The following GNB1 variants were observed in gnomAD, a reference collection of about 807,000 sequenced individuals.
The protein encoded by GNB1 is G protein subunit beta 1.
Under a neutral mutation model 42.9 loss-of-function variants are expected in GNB1, and 2 were observed. The observed-to-expected ratio is 0.05, with a 90% CI of 0.02 to 0.15. GNB1 has a LOEUF of 0.15. GNB1 is among the 10% of genes least tolerant of loss of function. The pLI is 1.00. For missense variants in GNB1, 193 were observed against 462.2 expected (o/e 0.42, Z 5.34); for synonymous variants, 183 against 174.7 (o/e 1.05, Z -0.38).
chr1:1,889,293 TAATACTATTTGAGAC>T (rs1650333436), intron 1 of GNB1, among the ~76,000 whole-genome samples: 1 of 152,272 alleles, frequency 6.6e-6, no homozygotes, highest in Non-Finnish European at 1.5e-5. Flanking sequence ...CTTAATCACC[TAATACTATTTGAGAC>T]TAATGTTATC....
intron 5 of GNB1, among the ~76,000 whole-genome samples, chr1:1,807,523 A>G (rs1557892316): frequency 6.7e-6 from 1 of 149,006 alleles, no homozygotes; most frequent in South Asian, 2.1e-4. Flanking sequence ...ACTTTTAGAC[A>G]TTCCAAATTC....
At chr1:1,829,832 G>C (rs750660785) in intron 2 of GNB1, among the ~76,000 whole-genome samples, 1 of 151,932 alleles carries the variant, frequency 6.6e-6, no homozygotes, top group Non-Finnish European at 1.5e-5. Context: ...TCCGCCTCCC[G>C]ATTTCAAGCG....
chr1:1,816,629 CTTTATT>C (rs1284747729), intron 4 of GNB1, among the ~76,000 whole-genome samples: 2 of 144,456 alleles, frequency 1.4e-5, no homozygotes, highest in African/African-American at 2.5e-5. Flanking sequence ...ATTATTTGGA[CTTTATT>C]TTTATTATCT....
intron 3 of GNB1, among the ~76,000 whole-genome samples, chr1:1,819,520 CTCTT>C (rs944679586): frequency 2.0e-5 from 3 of 151,554 alleles, no homozygotes; most frequent in African/African-American, 4.8e-5. Context: ...CCCGCCTGGC[CTCTT>C]TTTTTTTTTA....
intron 1 of GNB1, among the ~76,000 whole-genome samples, chr1:1,863,755 G>A (rs1648760763): frequency 6.6e-6 from 1 of 152,216 alleles, no homozygotes; most frequent in African/African-American, 2.4e-5. Context: ...GGAGATTTAA[G>A]TTGGAAAAAT....
chr1:1,806,255 C>T lies in GNB1; in HGVS notation c.267+220G>A, dbSNP rs143096846. On this transcript the variant is annotated intron_variant, in intron 6 of 11. Transcript: ENST00000378609. ...TCCCACCAGCTTGGTAAGGAGATGACGGACAACAGCACAACTGTGCCTGGT... is the reference window on the plus strand; with the variant it reads ...TCCCACCAGCTTGGTAAGGAGATGATGGACAACAGCACAACTGTGCCTGGT... Among the ~76,000 whole-genome samples the T allele has an allele frequency of 3.9e-3, 598 of 152,304 alleles. 2 individuals are homozygous for T. Among genetic ancestry groups the T allele is most frequent in the Non-Finnish European group, 6.7e-3 (459 of 68,018 alleles).
intron 7 of GNB1, among the ~76,000 whole-genome samples, chr1:1,796,583 G>A (rs1352936670): frequency 6.6e-6 from 1 of 152,222 alleles, no homozygotes; most frequent in Non-Finnish European, 1.5e-5. Context: ...CAAATTCCCT[G>A]GGTATGTGTG....
Position 1,825,389 on chromosome 1 carries a change from C to T in GNB1, c.57+8G>A, listed in dbSNP as rs773325681. The T allele has an allele frequency of 6.2e-7, 1 of 1,600,828 alleles. No homozygotes were observed. Among genetic ancestry groups the T allele is most frequent in the South Asian group, 1.1e-5 (1 of 90,834 alleles). ...GATTAATAAAACCAAGCACACACAA[C>T]TACATACTCGAATCTGGTTCTTAAG... On this transcript the variant is annotated splice_region_variant and intron_variant, in intron 3 of 11. Coordinates refer to ENST00000378609, the MANE Select transcript of GNB1 (RefSeq NM_002074.5).
chr1:1,837,373 GCCT>G (rs1647167108), intron 2 of GNB1, among the ~76,000 whole-genome samples: 1 of 150,194 alleles, frequency 6.7e-6, no homozygotes, highest in Non-Finnish European at 1.5e-5. Flanking sequence ...TCCTGCCTTG[GCCT>G]CCTGAGTAGC....
intron 5 of GNB1, among the ~76,000 whole-genome samples, chr1:1,815,242 A>G (rs1453320555): frequency 6.6e-6 from 1 of 152,228 alleles, no homozygotes; most frequent in African/African-American, 2.4e-5. Flanking sequence ...AGCAGCTCAC[A>G]GCGCATTCCC....
intron 1 of GNB1, among the ~76,000 whole-genome samples, chr1:1,852,719 T>C (rs768818234): frequency 2.0e-5 from 3 of 151,176 alleles, no homozygotes; most frequent in Non-Finnish European, 4.4e-5. Context: ...CTTGTGTGCC[T>C]TGCTATGCAC....
chr1:1,847,903 G>A (rs925113027), intron 1 of GNB1, among the ~76,000 whole-genome samples: 1 of 152,122 alleles, frequency 6.6e-6, no homozygotes, highest in South Asian at 2.1e-4. Context: ...TACTTCCAAC[G>A]TGGTGCCAAA....
intron 1 of GNB1, among the ~76,000 whole-genome samples, chr1:1,889,659 TAAAAAAA>T (rs35173217): frequency 1.7e-5 from 2 of 115,308 alleles, no homozygotes; most frequent in African/African-American, 6.5e-5. Context: ...TCCCATCTCT[TAAAAAAA>T]AAAAAAAAAA....
rs1325119344 is a variant in GNB1, at chr1:1,789,287, A to C, written c.700-18T>G. ...GGAAAGAACTGGAAAGAGAAAGCAA[A>C]TCAAGACATCATGTAAACGCTCAGA... is the stretch of plus-strand genomic sequence containing the variant. On this transcript the variant is annotated intron_variant, in intron 9 of 11. Coordinates refer to ENST00000378609, the MANE Select transcript of GNB1 (RefSeq NM_002074.5). 1 of 1,385,818 alleles carries C rather than the reference A, an allele frequency of 7.2e-7. No homozygotes were observed. The highest frequency in any genetic ancestry group is 1.0e-6 in the Non-Finnish European group (1 of 972,254). 85.8% of individuals were successfully genotyped at this position (1,385,818 alleles called of 1,614,324 possible). A position where few individuals can be genotyped will look rare whatever the true frequency, so the allele number is the denominator to read the frequency against.
At chr1:1,821,062 G>C (rs1419152767) in intron 3 of GNB1, among the ~76,000 whole-genome samples, 1 of 152,194 alleles carries the variant, frequency 6.6e-6, no homozygotes, top group East Asian at 1.9e-4. Context: ...ACATATCCAA[G>C]CCACTCATCA....
chr1:1,888,883 C>T (rs1048515821), intron 1 of GNB1, among the ~76,000 whole-genome samples: 12 of 152,114 alleles, frequency 7.9e-5, no homozygotes, highest in Non-Finnish European at 1.5e-4. Context: ...CAAGACAAAA[C>T]CCACCATTCA....
chr1:1,789,025 G>A (rs1461807012), intron 10 of GNB1, 28 bp downstream of exon 10: 2 of 1,497,786 alleles, frequency 1.3e-6, no homozygotes, highest in Non-Finnish European at 1.9e-6. Context: ...ATGTCCACAA[G>A]ACACAGAAAG....
chr1:1,829,986 C>A (rs557254455), intron 2 of GNB1, among the ~76,000 whole-genome samples: 1 of 152,168 alleles, frequency 6.6e-6, no homozygotes, highest in East Asian at 1.9e-4. Flanking sequence ...GTGATCCGCC[C>A]ACCTCGGCCT....
chr1:1,850,294 C>T (rs772084931), intron 1 of GNB1, among the ~76,000 whole-genome samples: 30 of 152,040 alleles, frequency 2.0e-4, no homozygotes, highest in Non-Finnish European at 4.0e-4. Flanking sequence ...TCACACCCTG[C>T]TAATTTTTTT....
Sources: allele counts gnomAD v4.1 joint callset (sites outside exome capture counted in the v4.1 genomes callset), GRCh38; gene constraint gnomAD v4.1.1; transcripts MANE v1.5; gene names NCBI Gene and HGNC (gene_info 2026-07-23, HGNC 2026-07-21).